Variants in ATF2 observed in about 807,000 individuals in gnomAD.
ATF2 encodes activating transcription factor 2, also known as cyclic AMP-dependent transcription factor ATF-2.
A neutral mutation model predicts 60.6 loss-of-function variants in ATF2; 24 were observed. The ratio of observed to expected loss-of-function variants is 0.40; its 90% CI spans 0.29 to 0.56. ATF2 has a LOEUF of 0.56. Ranked by LOEUF, ATF2 falls within the 20% of genes least tolerant of loss-of-function variation. The pLI is 0.54. For missense variants in ATF2, 433 were observed against 607.7 expected (o/e 0.71, Z 3.02); for synonymous variants, 206 against 215.4 (o/e 0.96, Z 0.38).
intron 4 of ATF2, among the ~76,000 whole-genome samples, chr2:175,122,700 C>G (rs1301783565): frequency 1.3e-5 from 2 of 151,998 alleles, no homozygotes; most frequent in Non-Finnish European, 2.9e-5. Context: ...GGTTATAGCA[C>G]CTATCATATT....
At chr2:175,090,456 T>A (rs561356926) in intron 12 of ATF2, among the ~76,000 whole-genome samples, 1 of 152,106 alleles carries the variant, frequency 6.6e-6, no homozygotes, top group Non-Finnish European at 1.5e-5. Context: ...CAAATATATA[T>A]ATTATAGATA....
chr2:175,079,503 A>C (rs1323632550), intron 13 of ATF2, among the ~76,000 whole-genome samples: 1 of 152,118 alleles, frequency 6.6e-6, no homozygotes, highest in Non-Finnish European at 1.5e-5. Flanking sequence ...AATTTACTCC[A>C]ATGTGTTTCA....
intron 4 of ATF2, among the ~76,000 whole-genome samples, chr2:175,122,375 C>T (rs1697023783): frequency 6.6e-6 from 1 of 151,886 alleles, no homozygotes; most frequent in African/African-American, 2.4e-5. Context: ...GCTGTTATTT[C>T]AGAGCAATAA....
At chr2:175,144,390 A>G (rs1698805694) in intron 2 of ATF2, among the ~76,000 whole-genome samples, 1 of 152,218 alleles carries the variant, frequency 6.6e-6, no homozygotes, top group Admixed American at 6.5e-5. Flanking sequence ...GAATTTCTAG[A>G]GTTATTAGAC....
intron 9 of ATF2, among the ~76,000 whole-genome samples, chr2:175,112,266 C>T (rs1441284024): frequency 3.3e-5 from 5 of 152,122 alleles, no homozygotes; most frequent in Middle Eastern, 3.4e-3. Context: ...ACAGGATAAT[C>T]AGAATCTCAA....
At chr2:175,156,453 A>C (rs1224057575) in intron 1 of ATF2, among the ~76,000 whole-genome samples, 2 of 151,780 alleles carry the variant, frequency 1.3e-5, no homozygotes, top group African/African-American at 4.8e-5. Context: ...CCAGGAATCT[A>C]ATCAAGAGAC....
chr2:175,094,644 C>G (rs1694796036), intron 11 of ATF2, among the ~76,000 whole-genome samples: 1 of 152,108 alleles, frequency 6.6e-6, no homozygotes, highest in Non-Finnish European at 1.5e-5. Context: ...AATTACCAAA[C>G]TATTTTTCAC....
intron 1 of ATF2, chr2:175,167,538 C>G (rs1295634362): frequency 1.8e-5 from 8 of 442,086 alleles, no homozygotes; most frequent in South Asian, 1.1e-4. Flanking sequence ...GCCTCCCGAT[C>G]CTCCTCCCCG....
intron 2 of ATF2, among the ~76,000 whole-genome samples, chr2:175,147,408 GA>G (rs1699029771): frequency 6.6e-6 from 1 of 152,202 alleles, no homozygotes; most frequent in Non-Finnish European, 1.5e-5. Context: ...ACTAACGTTA[GA>G]AATATCCGGA....
At chr2:175,158,588 G>A (rs547877596) in intron 1 of ATF2, among the ~76,000 whole-genome samples, 83 of 152,076 alleles carry the variant, frequency 5.5e-4, no homozygotes, top group Admixed American at 8.5e-4. Flanking sequence ...ACGTCTGGGG[G>A]GAACACTGGA....
intron 3 of ATF2, among the ~76,000 whole-genome samples, chr2:175,131,438 TTTA>T (rs1176577564): frequency 2.0e-5 from 3 of 152,132 alleles, no homozygotes; most frequent in African/African-American, 7.2e-5. Context: ...AGAATCACAG[TTTA>T]TTAATAGCAA....
At chr2:175,161,158 T>G (rs1024892157) in intron 1 of ATF2, among the ~76,000 whole-genome samples, 1 of 152,152 alleles carries the variant, frequency 6.6e-6, no homozygotes, top group Non-Finnish European at 1.5e-5. Flanking sequence ...GGGGTACATA[T>G]GGAACAAAAA....
intron 10 of ATF2, among the ~76,000 whole-genome samples, chr2:175,109,737 A>AATTGAATTTTTCATCAATCAGT (rs1696039971): frequency 6.6e-6 from 1 of 152,168 alleles, no homozygotes. Context: ...TGGTAAATTA[A>AATTGAATTTTTCATCAATCAGT]ATTGAATTTT....
chr2:175,085,044 A>T (rs574743377), intron 12 of ATF2, among the ~76,000 whole-genome samples: 6 of 152,304 alleles, frequency 3.9e-5, no homozygotes, highest in African/African-American at 1.4e-4. Flanking sequence ...ATACAGCTAC[A>T]CTGTTAATTT....
At chr2:175,121,678 G>A (rs1696963086) in intron 4 of ATF2, 138 bp from the exon 5 acceptor site, 5 of 585,174 alleles carry the variant, frequency 8.5e-6, no homozygotes, top group South Asian at 7.6e-5. Context: ...AAAAGAATCC[G>A]TTATTGTTAG....
intron 12 of ATF2, among the ~76,000 whole-genome samples, chr2:175,088,928 T>C (rs1694354219): frequency 6.6e-6 from 1 of 152,164 alleles, no homozygotes; most frequent in Admixed American, 6.5e-5. Flanking sequence ...ATGCCTGTAA[T>C]CCCAGCACTT....
intron 2 of ATF2, among the ~76,000 whole-genome samples, chr2:175,142,748 T>G (rs924350671): frequency 3.4e-5 from 5 of 145,548 alleles, no homozygotes; most frequent in Non-Finnish European, 7.5e-5. Context: ...TGTGTGTGTG[T>G]GTGATCAATC....
chr2:175,144,925 T>C (rs1698844200), intron 2 of ATF2, among the ~76,000 whole-genome samples: 1 of 152,168 alleles, frequency 6.6e-6, no homozygotes, highest in Non-Finnish European at 1.5e-5. Context: ...GGCAATTCAT[T>C]ATGTAAATAC....
chr2:175,137,594 T>C (rs1698227425), intron 2 of ATF2, among the ~76,000 whole-genome samples: 2 of 152,146 alleles, frequency 1.3e-5, no homozygotes, highest in African/African-American at 4.8e-5. Context: ...AATATGGAAG[T>C]ACAATTTTCA....
Sources: gnomAD v4.1 joint callset for allele counts (sites outside exome capture counted in the v4.1 genomes callset) on GRCh38, gnomAD v4.1.1 for gene constraint, MANE v1.5 for transcripts, NCBI Gene and HGNC (gene_info 2026-07-23, HGNC 2026-07-21) for gene names.